ROCK2: variants seen among roughly 807,000 people sequenced by gnomAD.
The protein encoded by ROCK2 is rho-associated protein kinase 2.
In ROCK2, 61 loss-of-function variants were observed where a neutral mutation model predicts 195.1. That is an observed-to-expected ratio of 0.31 (90% confidence interval 0.25 to 0.39). The LOEUF is 0.39. Among genes scored for constraint, ROCK2 ranks in the 10% least tolerant of loss-of-function variants. The pLI is 1.00. For synonymous variants in ROCK2, 504 were observed against 545.5 expected, an observed-to-expected ratio of 0.92 and a Z score of 1.06; for missense variants, 1,109 against 1,637.4, an observed-to-expected ratio of 0.68 and a Z score of 5.57.
chr2:11,242,008 T>C (rs1572292191), intron 4 of ROCK2, among the ~76,000 whole-genome samples: 1 of 152,180 alleles, frequency 6.6e-6, no homozygotes, highest in South Asian at 2.1e-4. Context: ...CCCCTTCTAC[T>C]GTGTGAGGAC....
chr2:11,216,358 G>A, intron 12 of ROCK2, 152 bp from the exon 13 acceptor site: 1 of 624,520 alleles, frequency 1.6e-6, no homozygotes, highest in South Asian at 2.0e-5. Flanking sequence ...GAATGCAGTG[G>A]CGCAATCTTG....
chr2:11,329,173 T>G (rs559969777), intron 1 of ROCK2, among the ~76,000 whole-genome samples: 2 of 152,170 alleles, frequency 1.3e-5, no homozygotes, highest in South Asian at 4.1e-4. Context: ...ACTACCTTGG[T>G]GGGGAAACTC....
At chr2:11,328,307 G>C (rs562373883) in intron 1 of ROCK2, among the ~76,000 whole-genome samples, 25 of 151,938 alleles carry the variant, frequency 1.6e-4, no homozygotes, top group African/African-American at 5.8e-4. Context: ...GCTACATTTG[G>C]GGGGGGAAAC....
At chr2:11,329,529 C>T (rs1459743891) in intron 1 of ROCK2, among the ~76,000 whole-genome samples, 2 of 150,502 alleles carry the variant, frequency 1.3e-5, no homozygotes, top group Non-Finnish European at 3.0e-5. Flanking sequence ...TGACTTCCCT[C>T]AGAAGAAAAT....
Position 11,181,201 on chromosome 2 carries a change from T to C in ROCK2, c.*2236A>G, listed in dbSNP as rs1662975386. On this transcript the variant is annotated 3_prime_UTR_variant, in exon 33 of 33. Coordinates refer to ENST00000315872, the MANE Select transcript of ROCK2 (RefSeq NM_004850.5). ...TTAAAAATATATATATATATATATA[T>C]ATATATATACTCTCCAATTCAGAAT... is the stretch of plus-strand genomic sequence containing the variant. 6.9e-6 allele frequency: 1 copy of C among 144,722 alleles called. No homozygotes were observed. The highest frequency in any genetic ancestry group is 2.5e-5 in the African/African-American group (1 of 40,552). The allele number at this position is 144,722 out of a possible 1,614,324, so 9.0% of individuals were successfully genotyped here.
intron 5 of ROCK2, among the ~76,000 whole-genome samples, chr2:11,227,991 G>C (rs1480245206): frequency 1.3e-5 from 2 of 152,032 alleles, no homozygotes; most frequent in South Asian, 4.2e-4. Flanking sequence ...CAATATATTT[G>C]GCATGATGAT....
chr2:11,224,615 T>C (rs1010575853), intron 6 of ROCK2, among the ~76,000 whole-genome samples, 155 bp from the exon 7 acceptor site: 2 of 152,158 alleles, frequency 1.3e-5, no homozygotes, highest in African/African-American at 4.8e-5. Flanking sequence ...AACAGACATA[T>C]TGTTATATTC....
intron 3 of ROCK2, among the ~76,000 whole-genome samples, chr2:11,250,868 T>C (rs1441474587): frequency 2.6e-5 from 4 of 152,190 alleles, no homozygotes; most frequent in African/African-American, 9.6e-5. Context: ...CTAGTCATCC[T>C]TCTAGAATAT....
intron 4 of ROCK2, 99 bp downstream of exon 4, chr2:11,249,562 T>C (rs972912359): frequency 4.2e-6 from 4 of 941,878 alleles, no homozygotes; most frequent in Non-Finnish European, 5.9e-6. Context: ...ACTGTTACCA[T>C]GTAAATGAAG....
At chr2:11,320,709 T>TTGA (rs1668374219) in intron 1 of ROCK2, among the ~76,000 whole-genome samples, 1 of 152,184 alleles carries the variant, frequency 6.6e-6, no homozygotes, top group African/African-American at 2.4e-5. Flanking sequence ...AGACACTGGA[T>TTGA]ATCAGGCAGT....
At chr2:11,340,320 T>C (rs1382976421) in intron 1 of ROCK2, among the ~76,000 whole-genome samples, 1 of 152,034 alleles carries the variant, frequency 6.6e-6, no homozygotes, top group Non-Finnish European at 1.5e-5. Flanking sequence ...TAATGTGAGA[T>C]TAGGTCAGAT....
In ROCK2 at chr2:11,297,344, G is replaced by A. The variant is rs144865944; in HGVS notation, c.142-9608C>T. On this transcript the variant is annotated intron_variant, in intron 1 of 32. Transcript: ENST00000315872. ...TTATTCTTTTCCTAAGTTTTTTGTG[G>A]TGAAATTTGTATTAATAACTCATAA... Among the ~76,000 whole-genome samples, 591 of 152,028 alleles carry A rather than the reference G, an allele frequency of 3.9e-3. 1 individual carries two copies. Among genetic ancestry groups the A allele is most frequent in the African/African-American group, 0.013 (531 of 41,508 alleles).
intron 1 of ROCK2, among the ~76,000 whole-genome samples, chr2:11,332,867 C>G (rs896030370): frequency 1.3e-5 from 2 of 152,150 alleles, no homozygotes; most frequent in Non-Finnish European, 2.9e-5. Flanking sequence ...CATGCTGCAA[C>G]ACAGATGAAT....
Position 11,215,107 on chromosome 2 carries a change from A to G in ROCK2, c.1690-21T>C, listed in dbSNP as rs138305882. ...TCCAGCTGTTATTCCATTCAAAACC[A>G]AACAACAACAAACAAACACACATGT... On this transcript the variant is annotated intron_variant, in intron 15 of 32. Coordinates refer to ENST00000315872, the MANE Select transcript of ROCK2 (RefSeq NM_004850.5). 1.6e-3 allele frequency: 2,528 copies of G among 1,612,314 alleles called. 37 individuals are homozygous for G. In the African/African-American group the frequency reaches 0.03, roughly 19 times the overall value.
intron 4 of ROCK2, among the ~76,000 whole-genome samples, chr2:11,245,684 A>G (rs1168410606): frequency 1.3e-5 from 2 of 152,192 alleles, no homozygotes; most frequent in Admixed American, 1.3e-4. Context: ...ATAGGTCTGG[A>G]GCACCCTGTT....
In ROCK2 at chr2:11,272,036, A is replaced by G. The variant is rs561453332; in HGVS notation, c.324+14503T>C. Among the ~76,000 whole-genome samples, 27 of 151,496 alleles carry G rather than the reference A, an allele frequency of 1.8e-4. No homozygotes were observed. In the South Asian group the frequency reaches 5.6e-3, roughly 32 times the overall value. On this transcript the variant is annotated intron_variant, in intron 3 of 32. Transcript: ENST00000315872. ...CTCCATCTCAAAAAAAAAAAAAAAA[A>G]GTAGAATTGAAAGGTTCATTTGGAG...
chr2:11,231,134 G>C (rs1193559061), intron 5 of ROCK2, among the ~76,000 whole-genome samples: 1 of 151,284 alleles, frequency 6.6e-6, no homozygotes, highest in African/African-American at 2.4e-5. Context: ...CTTCTATTTA[G>C]TCAAATGGTA....
intron 3 of ROCK2, among the ~76,000 whole-genome samples, chr2:11,267,233 C>T (rs1666449069): frequency 6.6e-6 from 1 of 152,174 alleles, no homozygotes; most frequent in Non-Finnish European, 1.5e-5. Flanking sequence ...TTAGGAAGCA[C>T]TTTGACCAGG....
chr2:11,277,765 A>G (rs909850865), intron 3 of ROCK2, among the ~76,000 whole-genome samples: 39 of 152,154 alleles, frequency 2.6e-4, no homozygotes, highest in African/African-American at 8.4e-4. Flanking sequence ...AGATTTTGCA[A>G]TTGTGAATGG....
Sources: allele counts gnomAD v4.1 joint callset (sites outside exome capture counted in the v4.1 genomes callset), GRCh38; gene constraint gnomAD v4.1.1; transcripts MANE v1.5; gene names NCBI Gene and HGNC (gene_info 2026-07-23, HGNC 2026-07-21).